GPC6: variants seen among roughly 807,000 people sequenced by gnomAD.
The protein encoded by GPC6 is glypican 6.
In GPC6, 14 loss-of-function variants were observed where a neutral mutation model predicts 55.2. The observed-to-expected ratio is 0.25, with a 90% CI of 0.17 to 0.40. The LOEUF (loss-of-function observed/expected upper bound fraction) is 0.40, where lower values mean the gene tolerates loss of function less well. Ranked by LOEUF, GPC6 falls within the 10% of genes least tolerant of loss-of-function variation. The probability of loss-of-function intolerance (pLI) is 1.00; values close to 1 mark genes in which losing one functional copy is unlikely to be tolerated. For missense variants in GPC6, 641 were observed against 708.5 expected (o/e 0.90, Z 1.08); for synonymous variants, 278 against 259.6 (o/e 1.07, Z -0.68).
At chr13:93,942,445 G>A (rs763329990) in intron 3 of GPC6, among the ~76,000 whole-genome samples, 3 of 152,076 alleles carry the variant, frequency 2.0e-5, no homozygotes, top group Non-Finnish European at 4.4e-5. Context: ...TCAGCCTCCT[G>A]AGGAGTTGGG....
intron 4 of GPC6, among the ~76,000 whole-genome samples, chr13:94,173,565 C>T (rs1412941): frequency 1.3e-5 from 2 of 152,080 alleles, no homozygotes; most frequent in African/African-American, 4.8e-5. Flanking sequence ...GATTCATTCC[C>T]AGACATGTTG....
intron 2 of GPC6, among the ~76,000 whole-genome samples, chr13:93,555,991 G>A (rs189088938): frequency 2.6e-3 from 392 of 152,214 alleles, no homozygotes; most frequent in Non-Finnish European, 4.5e-3. Context: ...ACATATTAAG[G>A]TCAGCCAGTA....
chr13:93,726,224 C>T (rs554900330), intron 2 of GPC6, among the ~76,000 whole-genome samples: 14 of 150,804 alleles, frequency 9.3e-5, no homozygotes, highest in African/African-American at 2.4e-4. Context: ...CTCTCTGATT[C>T]GTGTATCGAA....
chr13:94,255,344 C>T (rs930330839), intron 4 of GPC6, among the ~76,000 whole-genome samples: 3 of 152,168 alleles, frequency 2.0e-5, no homozygotes, highest in Admixed American at 6.5e-5. Flanking sequence ...ATACCGACCT[C>T]TTTTATAGAC....
intron 4 of GPC6, among the ~76,000 whole-genome samples, chr13:94,194,154 C>T (rs1374005772): frequency 4.6e-5 from 7 of 152,088 alleles, no homozygotes; most frequent in African/African-American, 1.7e-4. Flanking sequence ...AGCATATGTA[C>T]AGTATATGTA....
chr13:94,390,890 AAAAT>A, intron 7 of GPC6, among the ~76,000 whole-genome samples: 1 of 152,258 alleles, frequency 6.6e-6, no homozygotes, highest in African/African-American at 2.4e-5. Flanking sequence ...TGGGAAAAAA[AAAAT>A]AAATGTTAGG....
At chr13:94,273,489 A>C (rs1158600763) in intron 4 of GPC6, among the ~76,000 whole-genome samples, 1 of 152,230 alleles carries the variant, frequency 6.6e-6, no homozygotes, top group Non-Finnish European at 1.5e-5. Flanking sequence ...CAAAGAAAGA[A>C]AGAAAAAACT....
chr13:93,888,541 A>G (rs992265366), intron 3 of GPC6, among the ~76,000 whole-genome samples: 1 of 152,116 alleles, frequency 6.6e-6, no homozygotes, highest in African/African-American at 2.4e-5. Context: ...TAATTATCTG[A>G]TCATGTGGCT....
At chr13:94,381,406 G>A (rs986098085) in intron 6 of GPC6, among the ~76,000 whole-genome samples, 4 of 152,028 alleles carry the variant, frequency 2.6e-5, no homozygotes, top group African/African-American at 4.8e-5. Context: ...TCTCTCCTTC[G>A]CTTGTAAATG....
chr13:94,166,654 A>G (rs772436210), intron 4 of GPC6, among the ~76,000 whole-genome samples: 9 of 152,166 alleles, frequency 5.9e-5, no homozygotes, highest in Non-Finnish European at 1.2e-4. Flanking sequence ...CTTTTTTATT[A>G]GAGAAGATGA....
chr13:94,279,265 G>A (rs1025375641), intron 4 of GPC6, among the ~76,000 whole-genome samples: 8 of 151,888 alleles, frequency 5.3e-5, no homozygotes, highest in African/African-American at 1.9e-4. Context: ...TTGTATTTCT[G>A]TGGGGTCAGT....
chr13:94,401,968 AGAT>A (rs1594244221), intron 8 of GPC6, among the ~76,000 whole-genome samples: 3 of 152,240 alleles, frequency 2.0e-5, no homozygotes, highest in East Asian at 3.9e-4. Context: ...ATAGATAGAT[AGAT>A]AATAGACTTT....
At chr13:93,654,740 A>G (rs1428100667) in intron 2 of GPC6, among the ~76,000 whole-genome samples, 1 of 152,134 alleles carries the variant, frequency 6.6e-6, no homozygotes, top group East Asian at 1.9e-4. Context: ...ATAGAACCCC[A>G]TCTATAAATA....
chr13:93,620,686 T>C (rs968928798), intron 2 of GPC6, among the ~76,000 whole-genome samples: 3 of 152,204 alleles, frequency 2.0e-5, no homozygotes, highest in Admixed American at 2.0e-4. Context: ...TATGGTAGAT[T>C]CTTCATTTTA....
chr13:93,962,526 A>G (rs1050033551), intron 3 of GPC6, among the ~76,000 whole-genome samples: 1 of 152,150 alleles, frequency 6.6e-6, no homozygotes, highest in African/African-American at 2.4e-5. Context: ...ATATCTGCCG[A>G]AAGACTGAAT....
At chr13:94,241,784 T>G (rs1198614410) in intron 4 of GPC6, among the ~76,000 whole-genome samples, 5 of 152,118 alleles carry the variant, frequency 3.3e-5, no homozygotes, top group Admixed American at 3.3e-4. Flanking sequence ...GATTTTGGCT[T>G]TATCTCTACC....
At chr13:93,605,842 T>TAAAAAA (rs1193693750) in intron 2 of GPC6, among the ~76,000 whole-genome samples, 1 of 65,860 alleles carries the variant, frequency 1.5e-5, no homozygotes, top group African/African-American at 5.0e-5. Flanking sequence ...ACCGTCTCAA[T>TAAAAAA]AAAAAAAAAA....
In GPC6 at chr13:93,380,013, G is replaced by A. The variant is rs981887492; in HGVS notation, c.160+152397G>A. ...GTTTCTCTTTGTCCATCTCTTAGCA[G>A]GGGTAAGGCGATGCTGGGTGATATT... On this transcript the variant is annotated intron_variant, in intron 1 of 8. Coordinates refer to ENST00000377047, the MANE Select transcript of GPC6 (RefSeq NM_005708.5). 4.6e-5 allele frequency among the ~76,000 whole-genome samples: 7 copies of A among 151,370 alleles called. No homozygotes were observed. In the East Asian group the frequency reaches 1.4e-3, roughly 29 times the overall value.
intron 3 of GPC6, among the ~76,000 whole-genome samples, chr13:93,949,004 G>C (rs965157473): frequency 3.9e-5 from 6 of 151,992 alleles, no homozygotes; most frequent in Admixed American, 3.3e-4. Flanking sequence ...GAGATGACAG[G>C]GCTTTCCTCT....
Sources: gnomAD v4.1 joint callset for allele counts (sites outside exome capture counted in the v4.1 genomes callset) on GRCh38, gnomAD v4.1.1 for gene constraint, MANE v1.5 for transcripts, NCBI Gene and HGNC (gene_info 2026-07-23, HGNC 2026-07-21) for gene names.